Variants in GYG1 observed in about 807,000 individuals in gnomAD.
The protein encoded by GYG1 is glycogenin-1.
In GYG1, 44 loss-of-function variants were observed where a neutral mutation model predicts 41.9. That is an observed-to-expected ratio of 1.05 (90% CI 0.83 to 1.35). GYG1 has a LOEUF of 1.35. GYG1 is among the 40% of genes most tolerant of loss of function. GYG1 has a pLI of 0.00. For missense variants in GYG1, 429 were observed against 418.9 expected (o/e 1.02, Z -0.21); for synonymous variants, 141 against 158.1 (o/e 0.89, Z 0.81).
chr3:149,009,213 T>G, intron 4 of GYG1, 63 bp from the exon 5 acceptor site: 2 of 1,252,504 alleles, frequency 1.6e-6, no homozygotes, highest in Non-Finnish European at 2.3e-6. Context: ...AGTTATGTGC[T>G]CCTATAAAAT....
rs1714922997 is a variant in GYG1, at chr3:149,030,539, T to C, written c.*3606T>C. The C allele has an allele frequency of 6.6e-6, 1 of 152,234 alleles. No individual in the cohort carries two copies. Among genetic ancestry groups the C allele is most frequent in the Admixed American group, 6.5e-5 (1 of 15,292 alleles). 9.4% of individuals were successfully genotyped at this position (152,234 alleles called of 1,614,324 possible). A position where few individuals can be genotyped will look rare whatever the true frequency, so the allele number is the denominator to read the frequency against. ...GTCTTTGTAAGCAGAAAGAGTAGAC[T>C]GTGTTGTTTTTTGCCAAAAACTGTT... is the stretch of plus-strand genomic sequence containing the variant. On this transcript the variant is annotated 3_prime_UTR_variant, in exon 8 of 8. Coordinates refer to ENST00000345003, the MANE Select transcript of GYG1 (RefSeq NM_004130.4).
rs1242765521 is a variant in GYG1 at position 149,000,244 on chromosome 3, G to A, written c.481+3340G>A. On this transcript the variant is annotated intron_variant, in intron 4 of 7. Coordinates refer to ENST00000345003, the MANE Select transcript of GYG1 (RefSeq NM_004130.4). Reference sequence around the variant, plus strand: ...TTTTAGAACTGGTGACTACATAACCGAATTCATGGCTGGTGTCTAATTTTC... The same window carrying A: ...TTTTAGAACTGGTGACTACATAACCAAATTCATGGCTGGTGTCTAATTTTC... 2.6e-5 allele frequency among the ~76,000 whole-genome samples: 4 copies of A among 152,162 alleles called. No individual in the cohort carries two copies. The South Asian group carries it at 6.2e-4, about 24-fold the overall frequency.
intron 4 of GYG1, chr3:149,008,310 T>A (rs1247087775): frequency 6.6e-6 from 1 of 152,422 alleles, no homozygotes; most frequent in Non-Finnish European, 1.5e-5. Context: ...CTATGTGGTC[T>A]GGTCCCTGCC....
At chr3:148,993,315 C>T (rs1287711376) in intron 1 of GYG1, among the ~76,000 whole-genome samples, 1 of 44,134 alleles carries the variant, frequency 2.3e-5, no homozygotes, top group Non-Finnish European at 4.7e-5. Flanking sequence ...TTGGTTTGGG[C>T]GGGGGGAGGG....
intron 4 of GYG1, among the ~76,000 whole-genome samples, chr3:149,003,525 TAG>T (rs1332059447): frequency 5.9e-5 from 9 of 152,226 alleles, no homozygotes; most frequent in Non-Finnish European, 1.2e-4. Context: ...TATAAAATGT[TAG>T]ACATTTTTTA....
At chr3:148,995,259 C>T (rs1405131509) in intron 2 of GYG1, among the ~76,000 whole-genome samples, 1 of 152,172 alleles carries the variant, frequency 6.6e-6, no homozygotes, top group Non-Finnish European at 1.5e-5. Flanking sequence ...GCTACCTAGT[C>T]TCTAGTAGTA....
chr3:149,022,314 T>A (rs1214166937), intron 5 of GYG1, among the ~76,000 whole-genome samples: 1 of 152,136 alleles, frequency 6.6e-6, no homozygotes, highest in East Asian at 1.9e-4. Flanking sequence ...ATACATATTT[T>A]AAAATGTGCA....
chr3:149,006,360 C>T (rs1317380587), intron 4 of GYG1, among the ~76,000 whole-genome samples: 7 of 152,146 alleles, frequency 4.6e-5, no homozygotes, highest in Non-Finnish European at 8.8e-5. Context: ...GGATTACAGG[C>T]GTGAGCCACT....
At chr3:148,995,635 G>C (rs537027489) in intron 2 of GYG1, among the ~76,000 whole-genome samples, 1 of 152,136 alleles carries the variant, frequency 6.6e-6, no homozygotes, top group Non-Finnish European at 1.5e-5. Context: ...CTTCAAAAAC[G>C]TCAAGTTTAC....
intron 2 of GYG1, 55 bp downstream of exon 2, chr3:148,994,332 G>A: frequency 6.3e-7 from 1 of 1,578,024 alleles, no homozygotes; most frequent in Middle Eastern, 1.7e-4. Context: ...CCTTCTCCCT[G>A]TTGCTGACAT....
chr3:149,011,514 A>G (rs1387407370), intron 5 of GYG1, among the ~76,000 whole-genome samples: 1 of 152,136 alleles, frequency 6.6e-6, no homozygotes, highest in Non-Finnish European at 1.5e-5. Flanking sequence ...CCACCTTAGC[A>G]CCATTGAGCA....
At chr3:149,004,223 C>G (rs1213400037) in intron 4 of GYG1, among the ~76,000 whole-genome samples, 1 of 152,166 alleles carries the variant, frequency 6.6e-6, no homozygotes, top group Non-Finnish European at 1.5e-5. Flanking sequence ...GCTAGTGATG[C>G]CTGCTAATCA....
intron 4 of GYG1, among the ~76,000 whole-genome samples, chr3:149,004,320 G>A (rs530178955): frequency 1.3e-5 from 2 of 152,330 alleles, no homozygotes; most frequent in East Asian, 3.9e-4. Context: ...TGACTAAAAT[G>A]TATCGGACAA....
In GYG1 at chr3:149,021,163, C is replaced by T. The variant is rs115699387; in HGVS notation, c.609-2890C>T. Among the ~76,000 whole-genome samples the T allele has an allele frequency of 3.4e-3, 513 of 152,296 alleles. 4 individuals carry two copies. Among genetic ancestry groups the T allele is most frequent in the African/African-American group, 0.012 (496 of 41,560 alleles). On this transcript the variant is annotated intron_variant, in intron 5 of 7. Coordinates refer to ENST00000345003, the MANE Select transcript of GYG1 (RefSeq NM_004130.4). ...CAGTAGCCCTTAATGTCAGTACTGC[C>T]CTGATAGCCCCAACTTGTCACCTTG...
chr3:149,003,024 A>G (rs569895260), intron 4 of GYG1, among the ~76,000 whole-genome samples: 80 of 152,226 alleles, frequency 5.3e-4, no homozygotes, highest in African/African-American at 1.9e-3. Flanking sequence ...CTCTGTAAAT[A>G]AATAATAGAT....
chr3:149,006,269 G>GA (rs1352540857), intron 4 of GYG1, among the ~76,000 whole-genome samples: 1 of 151,846 alleles, frequency 6.6e-6, no homozygotes, highest in Non-Finnish European at 1.5e-5. Context: ...TTTTAGTAGA[G>GA]ACGGGGTTTC....
chr3:148,999,570 A>C, intron 4 of GYG1, among the ~76,000 whole-genome samples: 1 of 152,204 alleles, frequency 6.6e-6, no homozygotes, highest in Admixed American at 6.5e-5. Context: ...CAATGTGTGA[A>C]CTGTGTGACA....
intron 1 of GYG1, among the ~76,000 whole-genome samples, chr3:148,991,918 C>T (rs996160015): frequency 1.3e-5 from 2 of 152,108 alleles, no homozygotes; most frequent in Non-Finnish European, 2.9e-5. Flanking sequence ...CTTCCTCTTG[C>T]TCTCACGGCG....
intron 5 of GYG1, among the ~76,000 whole-genome samples, chr3:149,018,427 C>T (rs3772570): frequency 6.6e-6 from 1 of 151,840 alleles, no homozygotes. Context: ...GGCCATTGTT[C>T]GGTCCAGGCA....
Sources: allele counts gnomAD v4.1 joint callset (sites outside exome capture counted in the v4.1 genomes callset), GRCh38; gene constraint gnomAD v4.1.1; transcripts MANE v1.5; gene names NCBI Gene and HGNC (gene_info 2026-07-23, HGNC 2026-07-21).